Variants in PCDHGA11 observed in about 807,000 individuals in gnomAD.
The protein encoded by PCDHGA11 is protocadherin gamma subfamily A, 11.
A neutral mutation model predicts 60.4 loss-of-function variants in PCDHGA11; 39 were observed. That is an observed-to-expected ratio of 0.65 (90% confidence interval 0.50 to 0.84). PCDHGA11 has a LOEUF of 0.84. Ranked by LOEUF, PCDHGA11 falls within the 40% of genes least tolerant of loss-of-function variation. PCDHGA11 has a pLI of 0.00. For synonymous variants in PCDHGA11, 533 were observed against 510.3 expected (o/e 1.04, Z -0.60); for missense variants, 1,165 against 1,197.7 (o/e 0.97, Z 0.40).
intron 1 of PCDHGA11, among the ~76,000 whole-genome samples, chr5:141,434,530 A>G (rs1241680580): frequency 6.6e-6 from 1 of 152,226 alleles, no homozygotes; most frequent in African/African-American, 2.4e-5. Flanking sequence ...CTTAAACCAC[A>G]AACAATAGCA....
intron 3 of PCDHGA11, among the ~76,000 whole-genome samples, chr5:141,507,918 G>C (rs1409126707): frequency 6.6e-6 from 1 of 152,208 alleles, no homozygotes; most frequent in Non-Finnish European, 1.5e-5. Flanking sequence ...CAGGCCTGTG[G>C]GGCTGCTGAG....
chr5:141,497,237 T>C (rs933112169), intron 2 of PCDHGA11, among the ~76,000 whole-genome samples: 3 of 152,038 alleles, frequency 2.0e-5, no homozygotes, highest in Non-Finnish European at 4.4e-5. Context: ...AGAAGGCTTC[T>C]AGGAGGAGGT....
At chr5:141,427,617 G>A (rs1295636754) in intron 1 of PCDHGA11, 3 of 694,694 alleles carry the variant, frequency 4.3e-6, no homozygotes, top group Admixed American at 2.0e-5. Flanking sequence ...TGAAGTCAAC[G>A]ACAATGCTCC....
At chr5:141,461,892 C>T (rs976827774) in intron 1 of PCDHGA11, among the ~76,000 whole-genome samples, 2 of 152,030 alleles carry the variant, frequency 1.3e-5, no homozygotes, top group Non-Finnish European at 2.9e-5. Context: ...GGCACGATCT[C>T]GGCTCACTGC....
At chr5:141,481,913 CAAA>C (rs34114744) in intron 1 of PCDHGA11, among the ~76,000 whole-genome samples, 50 of 90,788 alleles carry the variant, frequency 5.5e-4, no homozygotes, top group African/African-American at 7.1e-4. Flanking sequence ...AACTCCATCT[CAAA>C]AAAAAAAAAA....
chr5:141,439,012 A>G (rs968054607), intron 1 of PCDHGA11, among the ~76,000 whole-genome samples: 4 of 151,916 alleles, frequency 2.6e-5, no homozygotes, highest in South Asian at 2.1e-4. Context: ...TTTGTTTGTC[A>G]AATTTTGAAA....
chr5:141,507,631 C>T (rs1435446169), intron 3 of PCDHGA11, among the ~76,000 whole-genome samples: 4 of 152,236 alleles, frequency 2.6e-5, no homozygotes, highest in East Asian at 3.8e-4. Context: ...TGTGGCCTTG[C>T]GCCCTGAGGC....
intron 1 of PCDHGA11, chr5:141,441,743 C>T (rs1298220876): frequency 1.4e-5 from 5 of 367,166 alleles, no homozygotes; most frequent in Non-Finnish European, 2.2e-5. Context: ...AGCTCGCGCT[C>T]GGCGTCAACG....
chr5:141,450,842 T>TTTTTA, intron 1 of PCDHGA11, among the ~76,000 whole-genome samples: 1 of 148,196 alleles, frequency 6.7e-6, no homozygotes, highest in African/African-American at 2.5e-5. Context: ...TTTTTTTTTT[T>TTTTTA]GAGATGGGGT....
At chr5:141,449,538 G>A (rs1445815017) in intron 1 of PCDHGA11, among the ~76,000 whole-genome samples, 15 of 145,960 alleles carry the variant, frequency 1.0e-4, no homozygotes, top group East Asian at 4.0e-4. Flanking sequence ...GCAGTGAGCC[G>A]AGATCGCACC....
chr5:141,491,982 T>G lies in PCDHGA11; in HGVS notation c.2434-2825T>G. On this transcript the variant is annotated intron_variant, in intron 1 of 3. Coordinates refer to ENST00000398587, the MANE Select transcript of PCDHGA11 (RefSeq NM_018914.3). This position sits in a 1 kb window ranked among gnomAD's most constrained non-coding sequence, Gnocchi z 6.9. Reference sequence around the variant, plus strand: ...AAAAGGCCGGGGCCTCCTTCGAGCTTCCGGTGAATTTCGGGCGATTTCCGC... The same window carrying G: ...AAAAGGCCGGGGCCTCCTTCGAGCTGCCGGTGAATTTCGGGCGATTTCCGC... The G allele has an allele frequency of 2.6e-6, 2 of 759,438 alleles. No homozygotes were observed. Among genetic ancestry groups the G allele is most frequent in the East Asian group, 3.2e-5 (1 of 31,728 alleles). The allele number at this position is 759,438 out of a possible 1,614,324, so 47.0% of individuals were successfully genotyped here. A position where few individuals can be genotyped will look rare whatever the true frequency, so the allele number is the denominator to read the frequency against.
In PCDHGA11 at chr5:141,474,831, G is replaced by A. The variant is rs188288898; in HGVS notation, c.2434-19976G>A. On this transcript the variant is annotated intron_variant, in intron 1 of 3. Coordinates refer to ENST00000398587, the MANE Select transcript of PCDHGA11 (RefSeq NM_018914.3). ...CATCATTAATTGAGGCTTACTCTGTGCCAGGCACTTTACCTGCCTTCTTCA... is the reference window on the plus strand; with the variant it reads ...CATCATTAATTGAGGCTTACTCTGTACCAGGCACTTTACCTGCCTTCTTCA... 5.3e-5 allele frequency among the ~76,000 whole-genome samples: 8 copies of A among 152,350 alleles called. No individual in the cohort carries two copies. The East Asian group carries it at 1.5e-3, about 29-fold the overall frequency.
chr5:141,490,993 C>G lies in PCDHGA11; in HGVS notation c.2434-3814C>G, dbSNP rs746618787. 1.9e-6 allele frequency: 3 copies of G among 1,614,140 alleles called. No individual in the cohort carries two copies. Among genetic ancestry groups the G allele is most frequent in the Non-Finnish European group, 2.5e-6 (3 of 1,180,030 alleles). On this transcript the variant is annotated intron_variant, in intron 1 of 3. Coordinates refer to ENST00000398587, the MANE Select transcript of PCDHGA11 (RefSeq NM_018914.3). The surrounding 1 kb of genome is among the most constrained non-coding windows in gnomAD (Gnocchi z 5.4). ...CCAGCGTCTCCCTCGCTCTGCTCCT[C>G]CTGGCTCCTTGGTCACCAAGGTGAC...
At chr5:141,435,863 C>T (rs772361494) in intron 1 of PCDHGA11, among the ~76,000 whole-genome samples, 16 of 151,882 alleles carry the variant, frequency 1.1e-4, no homozygotes, top group Non-Finnish European at 2.2e-4. Context: ...TAGTTAAAAC[C>T]CAGAAAAGAG....
Position 141,490,765 on chromosome 5 carries a change from G to A in PCDHGA11, c.2434-4042G>A. The A allele has an allele frequency of 6.2e-7, 1 of 1,614,076 alleles. No individual in the cohort carries two copies. The highest frequency in any genetic ancestry group is 8.5e-7 in the Non-Finnish European group (1 of 1,179,914). ...AGCCCCAGCCTCCTCCTTTGTGTAT[G>A]TCAACCCAGAGGATGGACGGATCTT... On this transcript the variant is annotated intron_variant, in intron 1 of 3. Coordinates refer to ENST00000398587, the MANE Select transcript of PCDHGA11 (RefSeq NM_018914.3). This position sits in a 1 kb window ranked among gnomAD's most constrained non-coding sequence, Gnocchi z 5.4.
At chr5:141,440,501 A>G (rs2098183001) in intron 1 of PCDHGA11, 1 of 152,174 alleles carries the variant, frequency 6.6e-6, no homozygotes, top group African/African-American at 2.4e-5. Context: ...TCACATTAAT[A>G]TGGAGATTCA....
chr5:141,485,408 T>G lies in PCDHGA11; in HGVS notation c.2434-9399T>G. On this transcript the variant is annotated intron_variant, in intron 1 of 3. Transcript: ENST00000398587. The surrounding 1 kb of genome is among the most constrained non-coding windows in gnomAD (Gnocchi z 5.7). ...GAACCAAAGACACTTCCGTGTGGAT[T>G]TGGACAGCGGAGCCCTGCTCATCAA... 1 of 1,614,112 alleles carries G rather than the reference T, an allele frequency of 6.2e-7. No individual in the cohort carries two copies. The highest frequency in any genetic ancestry group is 8.5e-7 in the Non-Finnish European group (1 of 1,180,034).
intron 2 of PCDHGA11, among the ~76,000 whole-genome samples, chr5:141,498,091 C>G (rs2099781521): frequency 6.6e-6 from 1 of 152,156 alleles, no homozygotes; most frequent in African/African-American, 2.4e-5. Context: ...AGAATTGTAT[C>G]TGGTGGTGTG....
chr5:141,479,211 A>G (rs2099490342), intron 1 of PCDHGA11: 1 of 152,422 alleles, frequency 6.6e-6, no homozygotes, highest in African/African-American at 2.4e-5. Context: ...AAGTATTTAA[A>G]AAATTAAAAC....
Sources: allele counts gnomAD v4.1 joint callset (sites outside exome capture counted in the v4.1 genomes callset), GRCh38; gene constraint gnomAD v4.1.1; non-coding constraint Gnocchi (gnomAD v3.1); transcripts MANE v1.5; gene names NCBI Gene and HGNC (gene_info 2026-07-23, HGNC 2026-07-21).